Variants in ABLIM1 observed in about 807,000 individuals in gnomAD.
The protein encoded by ABLIM1 is actin-binding LIM protein 1.
Under a neutral mutation model 107.0 loss-of-function variants are expected in ABLIM1, and 40 were observed. That is an observed-to-expected ratio of 0.37 (90% CI 0.29 to 0.49). The LOEUF is 0.49. ABLIM1 is among the 20% of genes least tolerant of loss of function. The pLI is 0.97. For synonymous variants in ABLIM1, 357 were observed against 357.3 expected (o/e 1.00, Z 0.01); for missense variants, 857 against 1,008.5 (o/e 0.85, Z 2.04).
chr10:114,684,233 A>G (rs750744260), intron 1 of ABLIM1: 251 of 1,549,180 alleles, frequency 1.6e-4, no homozygotes, highest in Non-Finnish European at 2.1e-4. Context: ...TCATCTTTAA[A>G]GACACGGTCG....
the ABLIM1 span, among the ~76,000 whole-genome samples, chr10:114,784,665 C>CAAAAAAAAAAAAAAAAAAAA: frequency 1.1e-5 from 1 of 87,998 alleles, no homozygotes; most frequent in Non-Finnish European, 2.1e-5. Context: ...AGACTCACCT[C>CAAAAAAAAAAAAAAAAAAAA]AAAAAAAAAA....
intron 1 of ABLIM1, among the ~76,000 whole-genome samples, chr10:114,616,933 C>G (rs955291618): frequency 3.3e-5 from 5 of 152,204 alleles, no homozygotes; most frequent in Non-Finnish European, 5.9e-5. Context: ...GAAACTGAGG[C>G]AACAGGAGGT....
At chr10:114,601,034 A>C (rs1311297985) in intron 2 of ABLIM1, among the ~76,000 whole-genome samples, 1 of 146,330 alleles carries the variant, frequency 6.8e-6, no homozygotes, top group East Asian at 2.0e-4. Context: ...TTGTTGCTTA[A>C]TTCTCACATC....
In ABLIM1 at chr10:114,755,992, CTTA is replaced by C. The variant is rs543638593; in HGVS notation, c.-213+12066_-213+12068del. Among the ~76,000 whole-genome samples, 7 of 151,906 alleles carry C rather than the reference CTTA, an allele frequency of 4.6e-5. No individual in the cohort carries two copies. In the South Asian group the frequency reaches 1.5e-3, roughly 32 times the overall value. ...TTTTTCTAGGATTTCTATTTTTTCA[CTTA>C]TTATACTTAATTATTTAATCCATAG... On this transcript the variant is annotated intron_variant, in intron 1 of 15. Transcript: ENST00000651092.
intron 2 of ABLIM1, among the ~76,000 whole-genome samples, chr10:114,597,903 C>A (rs1003328686): frequency 1.3e-5 from 2 of 152,172 alleles, no homozygotes; most frequent in Non-Finnish European, 2.9e-5. Flanking sequence ...GGAATGCACA[C>A]CTCGAGGAAT....
rs528664365 is a variant in ABLIM1, at chr10:114,528,709, ATAC to A, written c.894+16293_894+16295del. Among the ~76,000 whole-genome samples the A allele has an allele frequency of 8.5e-5, 13 of 152,328 alleles. No individual in the cohort carries two copies. The South Asian group carries it at 1.9e-3, about 22-fold the overall frequency. ...TGTCTGGGGTGAGGCCTGAGAATCC[ATAC>A]TTCATTATTTTTTAAAAGCATGAAT... On this transcript the variant is annotated intron_variant, in intron 6 of 22. Coordinates refer to ENST00000533213, the MANE Select transcript of ABLIM1 (RefSeq NM_002313.7).
At chr10:114,547,540 G>A (rs953674987) in intron 5 of ABLIM1, 110 bp downstream of exon 5, 7 of 1,419,910 alleles carry the variant, frequency 4.9e-6, no homozygotes, top group Non-Finnish European at 6.6e-6. Flanking sequence ...GGCAGGATGT[G>A]AACAATTTCA....
chr10:114,453,249 T>G (rs1414137368), intron 13 of ABLIM1, 130 bp downstream of exon 13: 2 of 946,550 alleles, frequency 2.1e-6, no homozygotes, highest in Non-Finnish European at 3.3e-6. Context: ...CTAGGTCAGA[T>G]CCTGCAATTT....
chr10:114,504,628 C>T (rs1182797834), intron 6 of ABLIM1, among the ~76,000 whole-genome samples: 1 of 151,998 alleles, frequency 6.6e-6, no homozygotes, highest in African/African-American at 2.4e-5. Context: ...GGACCAGAAA[C>T]AATGGTTTGT....
chr10:114,685,545 A>G (rs926018535), upstream of ABLIM1, among the ~76,000 whole-genome samples: 4 of 152,172 alleles, frequency 2.6e-5, no homozygotes, highest in African/African-American at 9.7e-5. Context: ...AGCCATCCTC[A>G]TGGGTCACCC....
In ABLIM1 at chr10:114,468,212, G is replaced by A. The variant is rs757302954; in HGVS notation, c.1280C>T (p.Pro427Leu). The A allele has an allele frequency of 8.7e-6, 14 of 1,612,544 alleles. No homozygotes were observed. Among genetic ancestry groups the A allele is most frequent in the Middle Eastern group, 1.7e-4 (1 of 6,060 alleles). Residue 427 changes from proline (P) to leucine (L), a missense_variant, in exon 11 of 23, where the codon CCG becomes CTG. This residue lies in a region of ABLIM1 where 381 missense variants were observed against 506.9 expected (regional missense o/e 0.75). Transcript: ENST00000533213. Reference sequence around the variant, plus strand: ...TGATGGAGTAGGAGACAAAGTCCTCGGAGACTAGAAAAATAAAAGAGAATT... The same window carrying A: ...TGATGGAGTAGGAGACAAAGTCCTCAGAGACTAGAAAAATAAAAGAGAATT... ...KQERQSLGES[P>L]RTLSPTPSAE...
intron 1 of ABLIM1, among the ~76,000 whole-genome samples, chr10:114,671,763 A>G (rs2080264935): frequency 6.6e-6 from 1 of 152,242 alleles, no homozygotes; most frequent in East Asian, 1.9e-4. Context: ...GACTTTTTTC[A>G]TATGCTTATT....
At position 114,436,142 on chromosome 10, in the gene ABLIM1, G is replaced by T; in HGVS notation, c.*118C>A. The T allele has an allele frequency of 1.4e-6, 1 of 708,094 alleles. No individual in the cohort carries two copies. 43.9% of individuals were successfully genotyped at this position (708,094 alleles called of 1,614,324 possible). ...TGTTTTAACCAGACTTTCTCTTTTTGGTGTTGCTGAGCGACGGTAGTTTGC... is the reference window on the plus strand; with the variant it reads ...TGTTTTAACCAGACTTTCTCTTTTTTGTGTTGCTGAGCGACGGTAGTTTGC... On this transcript the variant is annotated 3_prime_UTR_variant, in exon 23 of 23. Coordinates refer to ENST00000533213, the MANE Select transcript of ABLIM1 (RefSeq NM_002313.7).
At chr10:114,483,755 T>C (rs1039934258) in intron 8 of ABLIM1, among the ~76,000 whole-genome samples, 2 of 152,208 alleles carry the variant, frequency 1.3e-5, no homozygotes, top group Non-Finnish European at 2.9e-5. Flanking sequence ...AGGCACAGAA[T>C]GTACAGGCAC....
intron 2 of ABLIM1, chr10:114,601,610 G>A: frequency 1.4e-6 from 1 of 708,982 alleles, no homozygotes; most frequent in Non-Finnish European, 2.4e-6. Flanking sequence ...AGGGGCCTCA[G>A]TGAGCACCCA....
chr10:114,782,166 T>A, the ABLIM1 span, among the ~76,000 whole-genome samples: 30 of 152,128 alleles, frequency 2.0e-4, no homozygotes, highest in African/African-American at 6.8e-4. Flanking sequence ...TAAATTAAAT[T>A]AAAGTGAAAA....
chr10:114,652,930 A>T (rs11196839), intron 1 of ABLIM1, among the ~76,000 whole-genome samples: 12,457 of 152,260 alleles, frequency 0.082, 996 homozygotes, highest in East Asian at 0.45. Flanking sequence ...CAACAGCAAT[A>T]TACTTTATGG....
At chr10:114,766,326 G>A (rs1003485568) in intron 1 of ABLIM1, among the ~76,000 whole-genome samples, 4 of 152,162 alleles carry the variant, frequency 2.6e-5, no homozygotes, top group African/African-American at 4.8e-5. Flanking sequence ...AATGCAAGAT[G>A]ACCAACATGA....
At chr10:114,695,626 A>G (rs2081179058) in intron 1 of ABLIM1, among the ~76,000 whole-genome samples, 2 of 152,200 alleles carry the variant, frequency 1.3e-5, no homozygotes, top group Non-Finnish European at 2.9e-5. Flanking sequence ...AAAGTCACTG[A>G]CCTGAAACTT....
Sources: gnomAD v4.1 joint callset for allele counts (sites outside exome capture counted in the v4.1 genomes callset) on GRCh38, gnomAD v4.1.1 for gene constraint, gnomAD v4.1.1 regional missense constraint, MANE v1.5 for transcripts, NCBI Gene and HGNC (gene_info 2026-07-23, HGNC 2026-07-21) for gene names.